WWOX: variants seen among roughly 807,000 people sequenced by gnomAD.
WWOX encodes the protein WW domain-containing oxidoreductase.
In WWOX, 69 loss-of-function variants were observed where a neutral mutation model predicts 46.2. That is an observed-to-expected ratio of 1.49 (90% CI 1.23 to 1.82). The LOEUF is 1.82. Among genes scored for constraint, WWOX ranks in the 40% most tolerant of loss-of-function variants. The pLI, the probability that WWOX is intolerant of heterozygous loss-of-function variation, is 0.00. For synonymous variants in WWOX, 359 were observed against 202.6 expected, an observed-to-expected ratio of 1.77 and a Z score of -6.56; for missense variants, 919 against 542.6, an observed-to-expected ratio of 1.69 and a Z score of -6.89.
chr16:78,737,760 C>T (rs1171200910), intron 8 of WWOX, among the ~76,000 whole-genome samples: 3 of 152,012 alleles, frequency 2.0e-5, no homozygotes, highest in East Asian at 1.9e-4. Context: ...TTTTCTTCCT[C>T]ACCTGATTTC....
At chr16:78,311,334 T>A (rs1363341135) in intron 5 of WWOX, among the ~76,000 whole-genome samples, 2 of 152,204 alleles carry the variant, frequency 1.3e-5, no homozygotes, top group African/African-American at 4.8e-5. Flanking sequence ...CAATGAACAC[T>A]TAACAGAGTC....
rs568685952 is a variant in WWOX at position 78,433,698 on chromosome 16, C to G, written c.1056+946C>G. 5.3e-5 allele frequency among the ~76,000 whole-genome samples: 8 copies of G among 151,894 alleles called. No individual in the cohort carries two copies. In the East Asian group the frequency reaches 1.4e-3, roughly 26 times the overall value. Reference sequence around the variant, plus strand: ...AGGCCTATTATCCTCCAGCTGATCTCACGACCTTGGAAACTGTCTGCTGCC... The same window carrying G: ...AGGCCTATTATCCTCCAGCTGATCTGACGACCTTGGAAACTGTCTGCTGCC... On this transcript the variant is annotated intron_variant, in intron 8 of 8. Transcript: ENST00000566780.
At chr16:78,626,226 G>C (rs982322343) in intron 8 of WWOX, among the ~76,000 whole-genome samples, 1 of 151,976 alleles carries the variant, frequency 6.6e-6, no homozygotes, top group African/African-American at 2.4e-5. Context: ...CGCCTCGCAG[G>C]TTTAAGTGAT....
chr16:78,975,699 G>T (rs918224157), intron 8 of WWOX, among the ~76,000 whole-genome samples: 1 of 152,042 alleles, frequency 6.6e-6, no homozygotes, highest in Non-Finnish European at 1.5e-5. Context: ...GGAATACACC[G>T]CTCAGAGAAG....
At chr16:78,772,560 C>G (rs900068291) in intron 8 of WWOX, among the ~76,000 whole-genome samples, 4 of 152,088 alleles carry the variant, frequency 2.6e-5, no homozygotes, top group Non-Finnish European at 5.9e-5. Context: ...ATTATCTTCC[C>G]TTTTGTAGGT....
intron 8 of WWOX, among the ~76,000 whole-genome samples, chr16:79,107,981 T>A (rs1273172379): frequency 4.6e-5 from 7 of 152,232 alleles, no homozygotes; most frequent in Non-Finnish European, 1.0e-4. Flanking sequence ...GAGTGTAGAA[T>A]ATATTTATTC....
chr16:78,607,593 T>C (rs1644516661), intron 8 of WWOX, among the ~76,000 whole-genome samples: 1 of 151,790 alleles, frequency 6.6e-6, no homozygotes, highest in Non-Finnish European at 1.5e-5. Context: ...CTCCAAAGAA[T>C]GACCATCCGA....
At chr16:78,802,736 T>C (rs1726030584) in intron 8 of WWOX, among the ~76,000 whole-genome samples, 2 of 150,954 alleles carry the variant, frequency 1.3e-5, no homozygotes, top group South Asian at 4.2e-4. Flanking sequence ...GGCAATATGG[T>C]GAAGCCCCGT....
chr16:78,429,625 TG>T (rs1555537898), intron 7 of WWOX, among the ~76,000 whole-genome samples: 2 of 152,168 alleles, frequency 1.3e-5, no homozygotes, highest in Non-Finnish European at 2.9e-5. Flanking sequence ...GTCTATGCCA[TG>T]TAGGTAGAGT....
intron 8 of WWOX, among the ~76,000 whole-genome samples, chr16:79,097,578 A>C (rs1443154406): frequency 1.3e-5 from 2 of 152,096 alleles, no homozygotes; most frequent in Non-Finnish European, 2.9e-5. Flanking sequence ...ACCCTCTCCT[A>C]CTGAGAACCA....
At chr16:78,866,651 T>A (rs2044010325) in intron 8 of WWOX, among the ~76,000 whole-genome samples, 1 of 152,206 alleles carries the variant, frequency 6.6e-6, no homozygotes. Flanking sequence ...GGCGGTGTTT[T>A]TGTTGCCCTG....
At chr16:78,879,877 CA>C (rs11433743) in intron 8 of WWOX, among the ~76,000 whole-genome samples, 28 of 145,830 alleles carry the variant, frequency 1.9e-4, no homozygotes, top group Non-Finnish European at 1.5e-4. Flanking sequence ...AACTCTGTCT[CA>C]AAAAAAAAAA....
At chr16:78,739,851 C>A (rs539842483) in intron 8 of WWOX, among the ~76,000 whole-genome samples, 1 of 152,082 alleles carries the variant, frequency 6.6e-6, no homozygotes, top group South Asian at 2.1e-4. Context: ...CCAGATATTC[C>A]TTATTATGGA....
chr16:78,776,833 C>A (rs1027891888), intron 8 of WWOX, among the ~76,000 whole-genome samples: 11 of 152,084 alleles, frequency 7.2e-5, no homozygotes, highest in African/African-American at 2.7e-4. Flanking sequence ...ATAAAACCAT[C>A]AGATCGCGTA....
chr16:78,946,740 T>C (rs925808447), intron 8 of WWOX, among the ~76,000 whole-genome samples: 1 of 151,480 alleles, frequency 6.6e-6, no homozygotes, highest in Admixed American at 6.6e-5. Context: ...ATGCGGGCCA[T>C]ATGGATGCAG....
At chr16:78,419,410 G>T (rs1013732607) in intron 6 of WWOX, among the ~76,000 whole-genome samples, 8 of 151,962 alleles carry the variant, frequency 5.3e-5, no homozygotes, top group African/African-American at 1.9e-4. Flanking sequence ...TAGTAATAAA[G>T]ACAGTGTCAT....
At chr16:79,142,093 A>T (rs1245826169) in intron 8 of WWOX, among the ~76,000 whole-genome samples, 3 of 152,120 alleles carry the variant, frequency 2.0e-5, no homozygotes, top group African/African-American at 7.2e-5. Flanking sequence ...TCCTGCCCTT[A>T]CTTCTTCCTG....
chr16:78,930,257 TC>T (rs2045592494), intron 8 of WWOX, among the ~76,000 whole-genome samples: 1 of 127,090 alleles, frequency 7.9e-6, no homozygotes, highest in Non-Finnish European at 1.7e-5. Flanking sequence ...CTTCCTTCCT[TC>T]CTTCCTTCCT....
intron 8 of WWOX, among the ~76,000 whole-genome samples, chr16:78,741,427 G>A (rs1419188241): frequency 6.6e-6 from 1 of 152,150 alleles, no homozygotes; most frequent in Non-Finnish European, 1.5e-5. Flanking sequence ...TGGCGTGGTG[G>A]CGCATGTCTG....
Sources: gnomAD v4.1 joint callset for allele counts (sites outside exome capture counted in the v4.1 genomes callset) on GRCh38, gnomAD v4.1.1 for gene constraint, MANE v1.5 for transcripts, NCBI Gene and HGNC (gene_info 2026-07-23, HGNC 2026-07-21) for gene names.